The following NDC80 variants were observed in gnomAD, a reference collection of about 807,000 sequenced individuals.
NDC80 encodes the protein kinetochore protein NDC80 homolog.
A neutral mutation model predicts 89.3 loss-of-function variants in NDC80; 69 were observed. The ratio of observed to expected loss-of-function variants is 0.77; its 90% CI spans 0.64 to 0.94. The LOEUF is 0.94. Ranked by LOEUF, NDC80 falls within the 40% of genes least tolerant of loss-of-function variation. NDC80 has a pLI of 0.00. For missense variants in NDC80, 593 were observed against 739.6 expected (o/e 0.80, Z 2.30); for synonymous variants, 243 against 255.6 (o/e 0.95, Z 0.47).
intron 12 of NDC80, 142 bp downstream of exon 12, chr18:2,599,313 G>A: frequency 3.0e-6 from 2 of 671,316 alleles, no homozygotes; most frequent in East Asian, 3.1e-5. Flanking sequence ...CTCGGTCATA[G>A]AAATCTTCTA....
In NDC80 at chr18:2,612,650, C is replaced by T. The variant is rs999951032; in HGVS notation, c.1791+1789C>T. Among the ~76,000 whole-genome samples, 20 of 152,232 alleles carry T rather than the reference C, an allele frequency of 1.3e-4. No individual in the cohort carries two copies. In the East Asian group the frequency reaches 3.3e-3, roughly 25 times the overall value. On this transcript the variant is annotated intron_variant, in intron 16 of 16. Transcript: ENST00000261597. ...TTGTTAATTCAGTAGTAACTTATCA[C>T]TAGGGATTTGTGTGAAGTAATCACA...
chr18:2,578,169 A>C (rs772450438), intron 5 of NDC80, 28 bp downstream of exon 5: 2 of 1,574,516 alleles, frequency 1.3e-6, no homozygotes, highest in Non-Finnish European at 8.7e-7. Context: ...TAGTTTAGAG[A>C]CATGACTGGC....
chr18:2,577,726 G>C lies in NDC80; in HGVS notation c.180-20G>C, dbSNP rs2072554356. 4 of 1,610,616 alleles carry C rather than the reference G, an allele frequency of 2.5e-6. No homozygotes were observed. Among genetic ancestry groups the C allele is most frequent in the Non-Finnish European group, 3.4e-6 (4 of 1,178,928 alleles). On this transcript the variant is annotated intron_variant, in intron 3 of 16. Coordinates refer to ENST00000261597, the MANE Select transcript of NDC80 (RefSeq NM_006101.3). ...CAGAAGCAAATAGTTTTAACTGGCT[G>C]TTTAAAAATATATTTCCAGAACTAG...
In NDC80 at chr18:2,595,531, G is replaced by T. The variant is rs763312934; in HGVS notation, c.1131G>T (p.Gln377His). The change falls in exon 11 of 17, where the codon CAG becomes CAT. Residue 377 changes from glutamine to histidine, a missense_variant. Transcript: ENST00000261597. ...TAAATCATGAAAGAAATGAATTGCA[G>T]CAGACTATTAATAAATTAACCAAGG... is the stretch of plus-strand genomic sequence containing the variant. ...ERINHERNEL[Q>H]QTINKLTKDL... 6 of 1,613,722 alleles carry T rather than the reference G, an allele frequency of 3.7e-6. No homozygotes were observed. The Admixed American group carries it at 1.0e-4, about 27-fold the overall frequency.
chr18:2,596,432 C>T (rs960626808), intron 11 of NDC80, among the ~76,000 whole-genome samples: 1 of 151,532 alleles, frequency 6.6e-6, no homozygotes, highest in Admixed American at 6.6e-5. Context: ...AAAATGCTCA[C>T]CATCACTGGC....
At chr18:2,599,796 C>A (rs1199077588) in intron 12 of NDC80, among the ~76,000 whole-genome samples, 1 of 152,150 alleles carries the variant, frequency 6.6e-6, no homozygotes, top group Non-Finnish European at 1.5e-5. Context: ...TGCCAATTTT[C>A]AAAATACTTC....
At chr18:2,582,235 C>T (rs546735866) in intron 6 of NDC80, 1 of 152,382 alleles carries the variant, frequency 6.6e-6, no homozygotes, top group Admixed American at 6.5e-5. Context: ...CACCACCACG[C>T]CCAGCTAATT....
At chr18:2,584,875 T>C (rs1184860701) in intron 6 of NDC80, among the ~76,000 whole-genome samples, 2 of 152,226 alleles carry the variant, frequency 1.3e-5, no homozygotes, top group African/African-American at 4.8e-5. Flanking sequence ...TTCTAGATCC[T>C]GAAGAGTTTA....
chr18:2,599,230 GT>G, intron 12 of NDC80, 59 bp downstream of exon 12: 1 of 1,444,982 alleles, frequency 6.9e-7, no homozygotes, highest in Non-Finnish European at 9.3e-7. Flanking sequence ...ATCTCTAAGA[GT>G]TTGAACTTTG....
At chr18:2,597,065 A>G (rs1161932691) in intron 11 of NDC80, among the ~76,000 whole-genome samples, 1 of 152,138 alleles carries the variant, frequency 6.6e-6, no homozygotes, top group African/African-American at 2.4e-5. Context: ...TAGGAGATAT[A>G]CCTAATGCTA....
intron 9 of NDC80, among the ~76,000 whole-genome samples, chr18:2,589,571 G>A (rs1433409761): frequency 6.6e-6 from 1 of 152,084 alleles, no homozygotes; most frequent in Non-Finnish European, 1.5e-5. Flanking sequence ...AAGATCAAAA[G>A]TACTTTTGAA....
intron 12 of NDC80, 42 bp from the exon 13 acceptor site, chr18:2,601,354 A>G: frequency 2.0e-6 from 2 of 999,184 alleles, no homozygotes; most frequent in Non-Finnish European, 2.9e-6. Flanking sequence ...ATATTTTGTA[A>G]TTAAATGTTA....
chr18:2,575,073 A>T lies in NDC80; in HGVS notation c.179+7A>T, dbSNP rs951378271. On this transcript the variant is annotated splice_region_variant and intron_variant, in intron 3 of 16. Coordinates refer to ENST00000261597, the MANE Select transcript of NDC80 (RefSeq NM_006101.3). Reference sequence around the variant, plus strand: ...TCTCGCTATTTGGCAAAAGGTAATTATATTTTTCATTAGCTCTAATAAAGG... The same window carrying T: ...TCTCGCTATTTGGCAAAAGGTAATTTTATTTTTCATTAGCTCTAATAAAGG... 6.3e-7 allele frequency: 1 copy of T among 1,589,490 alleles called. No homozygotes were observed.
intron 12 of NDC80, among the ~76,000 whole-genome samples, chr18:2,599,612 A>G (rs982361914): frequency 1.3e-5 from 2 of 152,216 alleles, no homozygotes; most frequent in African/African-American, 4.8e-5. Flanking sequence ...AAGGGCACAC[A>G]TGAAGGCATA....
intron 16 of NDC80, among the ~76,000 whole-genome samples, chr18:2,612,539 T>C (rs1342630404): frequency 6.6e-6 from 1 of 152,114 alleles, no homozygotes; most frequent in East Asian, 1.9e-4. Flanking sequence ...TCTGCCCACC[T>C]CAGCCTCCCA....
intron 14 of NDC80, 30 bp downstream of exon 14, chr18:2,606,537 T>C (rs1371478753): frequency 1.4e-6 from 2 of 1,426,214 alleles, no homozygotes; most frequent in Non-Finnish European, 9.7e-7. Context: ...TTGCGTAGGT[T>C]ATCAAAAGCT....
At chr18:2,590,275 C>A in intron 10 of NDC80, 113 bp downstream of exon 10, 2 of 1,103,292 alleles carry the variant, frequency 1.8e-6, no homozygotes, top group Non-Finnish European at 2.5e-6. Context: ...ATGCTTAGAG[C>A]AGGCTACCAA....
intron 6 of NDC80, 77 bp from the exon 7 acceptor site, chr18:2,585,036 C>G (rs150600856): frequency 7.3e-5 from 78 of 1,073,260 alleles, no homozygotes; most frequent in Non-Finnish European, 1.1e-4. Flanking sequence ...AAAATTGACA[C>G]TGAAAACAGA....
At chr18:2,609,110 A>T (rs12963346) in intron 15 of NDC80, among the ~76,000 whole-genome samples, 26,948 of 152,174 alleles carry the variant, frequency 0.18, 2,900 homozygotes, top group South Asian at 0.3. Context: ...AACATAAAAA[A>T]TTTTAAATCA....
Sources: gnomAD v4.1 joint callset for allele counts (sites outside exome capture counted in the v4.1 genomes callset) on GRCh38, gnomAD v4.1.1 for gene constraint, MANE v1.5 for transcripts, NCBI Gene and HGNC (gene_info 2026-07-23, HGNC 2026-07-21) for gene names.